The following MIPOL1 variants were observed in gnomAD, a reference collection of about 807,000 sequenced individuals.
MIPOL1 encodes the protein mirror-image polydactyly 1.
A neutral mutation model predicts 60.9 loss-of-function variants in MIPOL1; 57 were observed. The ratio of observed to expected loss-of-function variants is 0.94; its 90% CI spans 0.76 to 1.17. MIPOL1 has a LOEUF of 1.17. MIPOL1 is among the 50% of genes most tolerant of loss of function. The pLI, the probability that MIPOL1 is intolerant of heterozygous loss-of-function variation, is 0.00. For missense variants in MIPOL1, 551 were observed against 511.6 expected (o/e 1.08, Z -0.74); for synonymous variants, 179 against 168.8 (o/e 1.06, Z -0.47).
chr14:37,517,771 T>C (rs1012860601), intron 12 of MIPOL1, among the ~76,000 whole-genome samples: 3 of 152,170 alleles, frequency 2.0e-5, no homozygotes, highest in Non-Finnish European at 2.9e-5. Flanking sequence ...AATCAAGTGC[T>C]TCTCATATAC....
intron 5 of MIPOL1, among the ~76,000 whole-genome samples, chr14:37,269,977 G>A (rs1044688408): frequency 1.3e-5 from 2 of 151,944 alleles, no homozygotes; most frequent in Non-Finnish European, 2.9e-5. Context: ...ACAGGTGCCC[G>A]CCACCACACC....
chr14:37,280,099 T>G (rs910907126), intron 6 of MIPOL1, among the ~76,000 whole-genome samples: 7 of 152,192 alleles, frequency 4.6e-5, no homozygotes, highest in Non-Finnish European at 7.3e-5. Flanking sequence ...TTATCCACGT[T>G]GTTGCAAATG....
chr14:37,457,654 C>G (rs1357509543), intron 11 of MIPOL1, among the ~76,000 whole-genome samples: 1 of 152,158 alleles, frequency 6.6e-6, no homozygotes, highest in East Asian at 1.9e-4. Context: ...TACACATGAC[C>G]TTTTCTACCT....
rs545556785 is a variant in MIPOL1, at chr14:37,231,030, T to C, written c.-198-16073T>C. ...ATTGGTGGAGTTAGTGAGTTTTTATTGGTCTGTCCTTACACTTTGAGTCAG... is the reference window on the plus strand; with the variant it reads ...ATTGGTGGAGTTAGTGAGTTTTTATCGGTCTGTCCTTACACTTTGAGTCAG... On this transcript the variant is annotated intron_variant, in intron 1 of 12. Coordinates refer to ENST00000684589, the MANE Select transcript of MIPOL1 (RefSeq NM_001388067.1). 1.5e-3 allele frequency among the ~76,000 whole-genome samples: 231 copies of C among 152,300 alleles called. 2 individuals carry two copies. The highest frequency in any genetic ancestry group is 2.7e-3 in the Non-Finnish European group (182 of 68,032).
Position 37,405,019 on chromosome 14 carries a change from C to T in MIPOL1, c.937-17836C>T, listed in dbSNP as rs111808099. ...CTCACTTTTTTTTTCTTACTTTGAA[C>T]ACCACTGCCTTTGTATGAAGCATTG... On this transcript the variant is annotated intron_variant, in intron 10 of 12. Coordinates refer to ENST00000684589, the MANE Select transcript of MIPOL1 (RefSeq NM_001388067.1). Among the ~76,000 whole-genome samples, 325 of 152,176 alleles carry T rather than the reference C, an allele frequency of 2.1e-3. 2 individuals are homozygous for T. The highest frequency in any genetic ancestry group is 7.3e-3 in the African/African-American group (303 of 41,526).
At chr14:37,526,546 T>C (rs907194359) in intron 12 of MIPOL1, among the ~76,000 whole-genome samples, 1 of 110,716 alleles carries the variant, frequency 9.0e-6, no homozygotes, top group Non-Finnish European at 1.7e-5. Flanking sequence ...ATTTTTTGTA[T>C]TTTTTTTTTT....
chr14:37,525,692 G>A (rs1375832735), intron 12 of MIPOL1, among the ~76,000 whole-genome samples: 2 of 152,154 alleles, frequency 1.3e-5, no homozygotes, highest in Non-Finnish European at 2.9e-5. Flanking sequence ...TGAGATATAT[G>A]TGAATTGTCA....
At chr14:37,542,518 A>AT (rs2095533643) in intron 12 of MIPOL1, among the ~76,000 whole-genome samples, 1 of 152,122 alleles carries the variant, frequency 6.6e-6, no homozygotes, top group Non-Finnish European at 1.5e-5. Flanking sequence ...CTTGAAACAC[A>AT]TCAAACTTTT....
At chr14:37,451,808 C>CTCTTTTTTTTTTT (rs1418256414) in intron 11 of MIPOL1, among the ~76,000 whole-genome samples, 1 of 84,598 alleles carries the variant, frequency 1.2e-5, no homozygotes, top group African/African-American at 6.4e-5. Context: ...TTTATTCTCT[C>CTCTTTTTTTTTTT]TTTTTTTTTT....
chr14:37,379,505 A>G (rs2092869674), intron 10 of MIPOL1, among the ~76,000 whole-genome samples: 1 of 152,118 alleles, frequency 6.6e-6, no homozygotes. Context: ...TTTAAAGTAT[A>G]CCATCAAAAA....
At chr14:37,512,634 T>C (rs1431731092) in intron 12 of MIPOL1, among the ~76,000 whole-genome samples, 5 of 152,128 alleles carry the variant, frequency 3.3e-5, no homozygotes, top group Non-Finnish European at 5.9e-5. Flanking sequence ...TCATTGTCTT[T>C]TCATTAAAAT....
At chr14:37,392,817 G>A (rs1455340559) in intron 10 of MIPOL1, among the ~76,000 whole-genome samples, 1 of 152,166 alleles carries the variant, frequency 6.6e-6, no homozygotes, top group Admixed American at 6.6e-5. Flanking sequence ...TAGATATCAA[G>A]TAAGTTATAG....
chr14:37,466,241 G>T (rs547612658), intron 11 of MIPOL1, among the ~76,000 whole-genome samples: 1 of 152,280 alleles, frequency 6.6e-6, no homozygotes, highest in African/African-American at 2.4e-5. Context: ...TTTACCAAAA[G>T]AGAAGTTTGG....
At chr14:37,207,340 G>A (rs1007066287) in intron 1 of MIPOL1, among the ~76,000 whole-genome samples, 2 of 152,154 alleles carry the variant, frequency 1.3e-5, no homozygotes, top group East Asian at 3.9e-4. Context: ...CATGATGATT[G>A]TGAGGCCTCT....
At chr14:37,266,856 A>C in intron 3 of MIPOL1, 82 bp from the exon 4 acceptor site, 4 of 974,614 alleles carry the variant, frequency 4.1e-6, no homozygotes, top group Non-Finnish European at 6.3e-6. Flanking sequence ...GAGTGTTTCC[A>C]AAAATATTTA....
chr14:37,490,322 A>G (rs922803624), intron 11 of MIPOL1, among the ~76,000 whole-genome samples: 2 of 152,076 alleles, frequency 1.3e-5, no homozygotes, highest in African/African-American at 4.8e-5. Context: ...GGTGCATCCG[A>G]GGTCGACCTC....
At chr14:37,388,887 G>A (rs2093154327) in intron 10 of MIPOL1, among the ~76,000 whole-genome samples, 1 of 151,970 alleles carries the variant, frequency 6.6e-6, no homozygotes, top group Admixed American at 6.6e-5. Context: ...TCTAGGTTTT[G>A]TTTGCTCTCC....
At chr14:37,496,753 T>A (rs2095136629) in intron 11 of MIPOL1, among the ~76,000 whole-genome samples, 1 of 151,976 alleles carries the variant, frequency 6.6e-6, no homozygotes, top group Non-Finnish European at 1.5e-5. Context: ...TTCAATGCCA[T>A]CCCCATCAAG....
intron 10 of MIPOL1, among the ~76,000 whole-genome samples, chr14:37,396,541 T>C (rs896546282): frequency 6.7e-6 from 1 of 149,712 alleles, no homozygotes; most frequent in Non-Finnish European, 1.5e-5. Context: ...CTGAGGAAGT[T>C]TTCCTCGATT....
Sources: gnomAD v4.1 joint callset for allele counts (sites outside exome capture counted in the v4.1 genomes callset) on GRCh38, gnomAD v4.1.1 for gene constraint, MANE v1.5 for transcripts, NCBI Gene and HGNC (gene_info 2026-07-23, HGNC 2026-07-21) for gene names.